The following FREM2 variants were observed in gnomAD, a reference collection of about 807,000 sequenced individuals.
FREM2 encodes FRAS1-related extracellular matrix protein 2.
A neutral mutation model predicts 219.9 loss-of-function variants in FREM2; 119 were observed. That is an observed-to-expected ratio of 0.54 (90% confidence interval 0.47 to 0.63). The LOEUF (loss-of-function observed/expected upper bound fraction) is 0.63. FREM2 is among the 30% of genes least tolerant of loss of function. The pLI, the probability that FREM2 is intolerant of heterozygous loss-of-function variation, is 0.00. For synonymous variants in FREM2, 1,562 were observed against 1,522.8 expected (o/e 1.03, Z -0.60); for missense variants, 4,030 against 3,993.6 (o/e 1.01, Z -0.25).
chr13:38,848,544 GA>G lies in FREM2; in HGVS notation c.6254del (p.Asp2085ValfsTer22), dbSNP rs1877249557. The G allele has an allele frequency of 8.1e-6, 13 of 1,614,054 alleles. No individual in the cohort carries two copies. Among genetic ancestry groups the G allele is most frequent in the Non-Finnish European group, 1.1e-5 (13 of 1,179,952 alleles). ...GCAGCCTGTTCGTGTTGTCATTCTG[GA>G]TGACCTTGGACAACCAGCGCTGGAG... ...NMQPVRVVIL[D>X]DLGQPALEGI... On this transcript the variant is annotated frameshift_variant, in exon 8 of 24. Coordinates refer to ENST00000280481, the MANE Select transcript of FREM2 (RefSeq NM_207361.6). LOFTEE classifies it high-confidence loss of function.
intron 7 of FREM2, 91 bp from the exon 8 acceptor site, chr13:38,848,370 A>C (rs1356455178): frequency 1.1e-6 from 1 of 949,976 alleles, no homozygotes; most frequent in Admixed American, 1.8e-5. Flanking sequence ...TTTTAAAAGA[A>C]GAATTATAAA....
rs1393565315 is a variant in FREM2 at position 38,690,109 on chromosome 13, A to G, written c.2765A>G (p.His922Arg). 1.2e-6 allele frequency: 2 copies of G among 1,614,142 alleles called. No homozygotes were observed. Among genetic ancestry groups the G allele is most frequent in the South Asian group, 1.1e-5 (1 of 91,082 alleles). ...DSCSLEVSDR[H>R]HVVPITLRVN... Reference sequence around the variant, plus strand: ...TGCTCCTTGGAAGTCAGTGACAGACATCATGTGGTGCCCATCACTCTCAGA... The same window carrying G: ...TGCTCCTTGGAAGTCAGTGACAGACGTCATGTGGTGCCCATCACTCTCAGA... Residue 922 changes from histidine (H) to arginine (R), a missense_variant, in exon 1 of 24, where the codon CAT becomes CGT. By Grantham distance (29) the His-to-Arg change is conservative (BLOSUM62 0). Around this residue, in one of 2 missense-constraint regions of FREM2, gnomAD observed 3,102 missense variants for 2,950.7 expected, o/e 1.05. Transcript: ENST00000280481.
Position 38,692,347 on chromosome 13 carries a change from G to C in FREM2, c.5003G>C (p.Arg1668Pro). 1 of 1,603,836 alleles carries C rather than the reference G, an allele frequency of 6.2e-7. No individual in the cohort carries two copies. The highest frequency in any genetic ancestry group is 8.5e-7 in the Non-Finnish European group (1 of 1,174,462). Residue 1668 changes from arginine (R) to proline (P), a missense_variant, in exon 1 of 24, where the codon CGC becomes CCC. This residue lies in a region of FREM2 where 3,102 missense variants were observed against 2,950.7 expected (regional missense o/e 1.05). Transcript: ENST00000280481. ...GTGAATAAGGGGGCCTCTACACTTC[G>C]CACTCTAGCCACTGGCCACTTGGGG... ...IAVNKGASTL[R>P]TLATGHLGFM...
intron 6 of FREM2, among the ~76,000 whole-genome samples, chr13:38,839,629 GC>G (rs376660381): frequency 1.6e-4 from 24 of 152,306 alleles, no homozygotes; most frequent in African/African-American, 5.3e-4. Context: ...TGGGGCTGCA[GC>G]CTTTCTTTCA....
intron 2 of FREM2, among the ~76,000 whole-genome samples, chr13:38,734,477 G>T (rs1412968114): frequency 1.3e-5 from 2 of 151,996 alleles, no homozygotes; most frequent in Non-Finnish European, 2.9e-5. Context: ...TGTACATATT[G>T]TACAGCAGCA....
At chr13:38,722,869 C>G (rs894457426) in intron 2 of FREM2, among the ~76,000 whole-genome samples, 1 of 151,292 alleles carries the variant, frequency 6.6e-6, no homozygotes, top group Non-Finnish European at 1.5e-5. Context: ...TGTCTGATAA[C>G]CTGTTGAAGA....
chr13:38,855,845 A>G (rs189699741), intron 11 of FREM2, among the ~76,000 whole-genome samples: 119 of 152,226 alleles, frequency 7.8e-4, no homozygotes, highest in African/African-American at 2.7e-3. Context: ...TATTCATGCA[A>G]CCAAACACCT....
chr13:38,777,254 G>A (rs1427962330), intron 4 of FREM2, among the ~76,000 whole-genome samples: 1 of 152,090 alleles, frequency 6.6e-6, no homozygotes, highest in Non-Finnish European at 1.5e-5. Flanking sequence ...CGTTTTTTCT[G>A]ATTCTACTGC....
chr13:38,828,570 G>A (rs1047698233), intron 6 of FREM2, among the ~76,000 whole-genome samples: 1 of 151,896 alleles, frequency 6.6e-6, no homozygotes, highest in African/African-American at 2.4e-5. Flanking sequence ...AATTAGCCTG[G>A]TATGGTGTTG....
rs117197392 is a variant in FREM2 at position 38,751,006 on chromosome 13, C to T, written c.5264-13298C>T. Among the ~76,000 whole-genome samples the T allele has an allele frequency of 2.9e-3, 438 of 152,274 alleles. 14 individuals are homozygous for T. The East Asian group carries it at 0.08, about 28-fold the overall frequency. ...GCACTACACTTTACATTTCCACCAA[C>T]AATTCTACCACAGTTTTGTTTTTTG... is the stretch of plus-strand genomic sequence containing the variant. On this transcript the variant is annotated intron_variant, in intron 2 of 23. Coordinates refer to ENST00000280481, the MANE Select transcript of FREM2 (RefSeq NM_207361.6).
intron 2 of FREM2, among the ~76,000 whole-genome samples, chr13:38,699,022 T>G (rs1439766179): frequency 6.6e-6 from 1 of 152,098 alleles, no homozygotes; most frequent in Non-Finnish European, 1.5e-5. Context: ...AAAAAGGAAA[T>G]CAACTCATAA....
At chr13:38,720,280 T>C (rs753028897) in intron 2 of FREM2, among the ~76,000 whole-genome samples, 5 of 152,316 alleles carry the variant, frequency 3.3e-5, no homozygotes, top group Admixed American at 6.5e-5. Flanking sequence ...CTGGAGAGTT[T>C]AAAGAAAATC....
intron 2 of FREM2, among the ~76,000 whole-genome samples, chr13:38,741,704 C>T (rs1872256598): frequency 6.6e-6 from 1 of 152,150 alleles, no homozygotes. Flanking sequence ...TTTTCATTCC[C>T]TTACTTGAGT....
At chr13:38,784,077 C>T (rs1405971834) in intron 5 of FREM2, among the ~76,000 whole-genome samples, 1 of 152,196 alleles carries the variant, frequency 6.6e-6, no homozygotes, top group Admixed American at 6.5e-5. Context: ...CCGGCCTGGG[C>T]AACAGAGCGA....
intron 2 of FREM2, among the ~76,000 whole-genome samples, chr13:38,737,770 G>A (rs1872057510): frequency 6.6e-6 from 1 of 152,186 alleles, no homozygotes; most frequent in African/African-American, 2.4e-5. Flanking sequence ...GAATGAGACT[G>A]GGAATGTAAG....
Position 38,769,600 on chromosome 13 carries a change from T to G in FREM2, c.5433T>G (p.Thr1811=), listed in dbSNP as rs780455962. Residue 1811 remains threonine (T), a synonymous_variant, in exon 4 of 24, where the codon ACT becomes ACG. Coordinates refer to ENST00000280481, the MANE Select transcript of FREM2 (RefSeq NM_207361.6). The part of the protein sequence containing the change: ...SFISIGTRDR[T]AEKDKDFKGK... ...AAGGTATTGGCACAAGAGACAGAAC[T>G]GCAGAAAAAGACAAAGACTTCAAGG... is the stretch of plus-strand genomic sequence containing the variant. The G allele has an allele frequency of 1.2e-5, 20 of 1,614,060 alleles. 1 individual carries two copies. In the Admixed American group the frequency reaches 3.3e-4, roughly 27 times the overall value.
intron 2 of FREM2, among the ~76,000 whole-genome samples, chr13:38,736,547 A>G (rs891874591): frequency 1.6e-4 from 25 of 152,300 alleles, no homozygotes; most frequent in African/African-American, 6.0e-4. Context: ...TTACACACAA[A>G]TGTTTATTTA....
At chr13:38,831,310 T>A (rs1441487945) in intron 6 of FREM2, among the ~76,000 whole-genome samples, 2 of 152,128 alleles carry the variant, frequency 1.3e-5, no homozygotes, top group African/African-American at 4.8e-5. Context: ...ATGACTGTGA[T>A]GCTTACATTT....
intron 6 of FREM2, among the ~76,000 whole-genome samples, chr13:38,812,787 A>G (rs1875544230): frequency 1.3e-5 from 2 of 151,620 alleles, no homozygotes; most frequent in Admixed American, 6.6e-5. Flanking sequence ...AGAGGCTGAG[A>G]TGGGAGGATC....
Sources: gnomAD v4.1 joint callset for allele counts (sites outside exome capture counted in the v4.1 genomes callset) on GRCh38, gnomAD v4.1.1 for gene constraint, gnomAD v4.1.1 regional missense constraint, MANE v1.5 for transcripts, NCBI Gene and HGNC (gene_info 2026-07-23, HGNC 2026-07-21) for gene names.